CFH: variants seen among roughly 807,000 people sequenced by gnomAD.
The protein encoded by CFH is H factor 1 (complement).
CFH carries 53 observed loss-of-function variants against 147.3 expected under a neutral mutation model. That is an observed-to-expected ratio of 0.36 (90% CI 0.29 to 0.45). CFH has a LOEUF of 0.45. CFH is among the 20% of genes least tolerant of loss of function. CFH has a pLI of 1.00. For synonymous variants in CFH, 536 were observed against 489.4 expected (o/e 1.10, Z -1.26); for missense variants, 1,380 against 1,498.0 (o/e 0.92, Z 1.30).
At chr1:196,725,615 A>G (rs1395261638) in intron 12 of CFH, among the ~76,000 whole-genome samples, 11 of 152,184 alleles carry the variant, frequency 7.2e-5, no homozygotes, top group Admixed American at 7.2e-4. Context: ...TTGGCTCACT[A>G]TACTCATGAC....
intron 9 of CFH, among the ~76,000 whole-genome samples, chr1:196,702,923 G>C (rs1266941857): frequency 6.6e-6 from 1 of 152,160 alleles, no homozygotes; most frequent in Non-Finnish European, 1.5e-5. Flanking sequence ...ACAAGTCTTT[G>C]AAGCTTTCAG....
intron 5 of CFH, chr1:196,678,239 A>G (rs1023787928): frequency 2.6e-5 from 4 of 154,412 alleles, no homozygotes; most frequent in African/African-American, 9.6e-5. Context: ...AGAATCCACT[A>G]AATAAATTGT....
rs145409544 is a variant in CFH at position 196,718,393 on chromosome 1, C to T, written c.1696+2624C>T. On this transcript the variant is annotated intron_variant, in intron 11 of 21. Transcript: ENST00000367429. ...CATCGATGCAAAGAATGGTTGAAAG[C>T]CATTTGTTATAGTGAGAAGGGTATG... 4.3e-3 allele frequency among the ~76,000 whole-genome samples: 657 copies of T among 152,096 alleles called. 10 individuals carry two copies. The highest frequency in any genetic ancestry group is 0.015 in the African/African-American group (620 of 41,510).
chr1:196,713,692 A>G (rs1266711701), intron 9 of CFH, 43 bp from the exon 10 acceptor site: 1 of 1,220,212 alleles, frequency 8.2e-7, no homozygotes, highest in East Asian at 2.5e-5. Context: ...ATAAAATGTT[A>G]TTGATCATAT....
At chr1:196,655,465 G>A (rs1666654778) in intron 1 of CFH, among the ~76,000 whole-genome samples, 1 of 152,188 alleles carries the variant, frequency 6.6e-6, no homozygotes, top group African/African-American at 2.4e-5. Flanking sequence ...TCTAAGTATT[G>A]CTAACTAAAA....
intron 17 of CFH, among the ~76,000 whole-genome samples, 185 bp from the exon 18 acceptor site, chr1:196,740,434 G>C (rs1573079535): frequency 6.6e-6 from 1 of 152,078 alleles, no homozygotes; most frequent in South Asian, 2.1e-4. Flanking sequence ...TCTTCAGTTG[G>C]TGACAGTCCG....
chr1:196,726,826 C>T lies in CFH; in HGVS notation c.2122C>T (p.Pro708Ser). ...TGGCTGGGCCCAGCTTTCTTCCCCT[C>T]CTTATTACTATGGAGATTCAGTGGA... ...EHGWAQLSSP[P>S]YYYGDSVEFN... Residue 708 changes from proline to serine, a missense_variant, in exon 14 of 22, where the codon CCT (proline) becomes TCT (serine). This residue lies in a region of CFH where 830 missense variants were observed against 821.4 expected (regional missense o/e 1.01). Transcript: ENST00000367429. The T allele has an allele frequency of 1.2e-6, 2 of 1,613,730 alleles. No individual in the cohort carries two copies. The highest frequency in any genetic ancestry group is 1.7e-6 in the Non-Finnish European group (2 of 1,179,810).
intron 1 of CFH, among the ~76,000 whole-genome samples, chr1:196,672,675 C>A (rs1667322645): frequency 6.6e-6 from 1 of 152,082 alleles, no homozygotes; most frequent in Admixed American, 6.5e-5. Flanking sequence ...TGCTCTCCAG[C>A]AATTAAGAGT....
chr1:196,675,113 C>T (rs1255253308), intron 3 of CFH, among the ~76,000 whole-genome samples: 1 of 152,108 alleles, frequency 6.6e-6, no homozygotes, highest in African/African-American at 2.4e-5. Context: ...TGAAATATTT[C>T]TTTTATCACA....
intron 1 of CFH, among the ~76,000 whole-genome samples, chr1:196,666,999 A>T (rs904993172): frequency 6.6e-6 from 1 of 152,152 alleles, no homozygotes; most frequent in African/African-American, 2.4e-5. Flanking sequence ...AATATAAAAA[A>T]CTTAATTTGG....
At chr1:196,694,283 G>A (rs1392994684) in intron 9 of CFH, among the ~76,000 whole-genome samples, 1 of 152,020 alleles carries the variant, frequency 6.6e-6, no homozygotes, top group Non-Finnish European at 1.5e-5. Context: ...GTGTTAGTTT[G>A]CTGAAGATGA....
chr1:196,692,041 C>A (rs1389616535), intron 9 of CFH, among the ~76,000 whole-genome samples: 1 of 151,752 alleles, frequency 6.6e-6, no homozygotes, highest in African/African-American at 2.4e-5. Context: ...TGTGTGTATA[C>A]ACACACACAA....
At chr1:196,692,571 C>CT (rs1023998247) in intron 9 of CFH, among the ~76,000 whole-genome samples, 1 of 93,856 alleles carries the variant, frequency 1.1e-5, no homozygotes, top group African/African-American at 3.8e-5. Flanking sequence ...TTCTTTCTTT[C>CT]TTTTTCTTTC....
chr1:196,719,304 AAC>A (rs1169413207), intron 11 of CFH, among the ~76,000 whole-genome samples: 1 of 151,980 alleles, frequency 6.6e-6, no homozygotes, highest in Non-Finnish European at 1.5e-5. Flanking sequence ...ACAATATTAC[AAC>A]AGACAGAATT....
chr1:196,663,431 A>G (rs558721916), intron 1 of CFH, among the ~76,000 whole-genome samples: 2 of 152,300 alleles, frequency 1.3e-5, no homozygotes, highest in East Asian at 1.9e-4. Context: ...AAAATCTGCT[A>G]CTACTTTGTT....
chr1:196,726,786 A>T lies in CFH; in HGVS notation c.2082A>T (p.Ile694=). The T allele has an allele frequency of 6.2e-7, 1 of 1,613,878 alleles. No individual in the cohort carries two copies. Among genetic ancestry groups the T allele is most frequent in the East Asian group, 2.2e-5 (1 of 44,858 alleles). ...TGGAGGAGAGTACCTGTGGAGATATACCTGAACTTGAACATGGCTGGGCCC... is the reference window on the plus strand; with the variant it reads ...TGGAGGAGAGTACCTGTGGAGATATTCCTGAACTTGAACATGGCTGGGCCC... ...CIVEESTCGD[I]PELEHGWAQL... Residue 694 remains isoleucine (I), a synonymous_variant, in exon 14 of 22, where the codon ATA becomes ATT. Coordinates refer to ENST00000367429, the MANE Select transcript of CFH (RefSeq NM_000186.4).
chr1:196,673,252 A>G (rs1667344666), intron 2 of CFH, 89 bp downstream of exon 2: 1 of 1,156,148 alleles, frequency 8.6e-7, no homozygotes. Context: ...CCTGAATTAT[A>G]TCACTATTGC....
chr1:196,731,849 A>G (rs1331961899), intron 15 of CFH, among the ~76,000 whole-genome samples: 1 of 152,026 alleles, frequency 6.6e-6, no homozygotes, highest in Non-Finnish European at 1.5e-5. Context: ...TCTGTTGAGT[A>G]ATCCACTGAT....
At chr1:196,731,379 T>G (rs966648436) in intron 15 of CFH, among the ~76,000 whole-genome samples, 1 of 151,928 alleles carries the variant, frequency 6.6e-6, no homozygotes, top group Non-Finnish European at 1.5e-5. Flanking sequence ...TGATTACATA[T>G]AAAATATCTA....
Sources: gnomAD v4.1 joint callset for allele counts (sites outside exome capture counted in the v4.1 genomes callset) on GRCh38, gnomAD v4.1.1 for gene constraint, gnomAD v4.1.1 regional missense constraint, MANE v1.5 for transcripts, NCBI Gene and HGNC (gene_info 2026-07-23, HGNC 2026-07-21) for gene names.